Variants in COL22A1 observed in about 807,000 individuals in gnomAD.
COL22A1 encodes the protein collagen alpha-1(XXII) chain.
In COL22A1, 221 loss-of-function variants were observed where a neutral mutation model predicts 248.9. The observed-to-expected ratio is 0.89, with a 90% confidence interval of 0.80 to 0.99. The LOEUF (loss-of-function observed/expected upper bound fraction) is 0.99. Among genes scored for constraint, COL22A1 ranks in the 50% least tolerant of loss-of-function variants. The pLI is 0.00. For synonymous variants in COL22A1, 891 were observed against 793.4 expected (o/e 1.12, Z -2.07); for missense variants, 2,240 against 2,179.0 (o/e 1.03, Z -0.56).
At chr8:138,672,693 T>G (rs1213302663) in intron 41 of COL22A1, among the ~76,000 whole-genome samples, 1 of 152,176 alleles carries the variant, frequency 6.6e-6, no homozygotes, top group Non-Finnish European at 1.5e-5. Context: ...GCAAACAGGA[T>G]TGCTATGACA....
chr8:138,650,022 C>T (rs1273755780), intron 45 of COL22A1, among the ~76,000 whole-genome samples: 1 of 152,168 alleles, frequency 6.6e-6, no homozygotes, highest in Admixed American at 6.5e-5. Context: ...GATATTCCTC[C>T]ATTTCCCCCT....
intron 32 of COL22A1, among the ~76,000 whole-genome samples, chr8:138,698,562 G>C (rs1030766937): frequency 6.6e-6 from 1 of 152,246 alleles, no homozygotes; most frequent in South Asian, 2.1e-4. Context: ...AGAAAGGTAA[G>C]GGAGTTCCTC....
At chr8:138,644,429 G>A (rs1226134187) in intron 47 of COL22A1, among the ~76,000 whole-genome samples, 5 of 152,016 alleles carry the variant, frequency 3.3e-5, no homozygotes, top group Admixed American at 1.3e-4. Context: ...AATGTCAAAT[G>A]AGCACTTACA....
At chr8:138,878,365 G>A (rs1270408810) in intron 2 of COL22A1, 49 bp from the exon 3 acceptor site, 14 of 1,424,354 alleles carry the variant, frequency 9.8e-6, no homozygotes, top group East Asian at 2.5e-5. Flanking sequence ...GCATGGAAAG[G>A]ACACTGTCCT....
chr8:138,724,654 C>A lies in COL22A1; in HGVS notation c.2208G>T (p.Glu736Asp), dbSNP rs142175725. The change falls in exon 25 of 65, where the codon GAG (glutamate) becomes GAT (aspartate). Residue 736 changes from glutamate (E) to aspartate (D), a missense_variant. Physicochemically the swap from Glu to Asp is conservative, Grantham distance 45 (BLOSUM62 2). Coordinates refer to ENST00000303045, the MANE Select transcript of COL22A1 (RefSeq NM_152888.3). The stretch of plus-strand genomic sequence containing the variant: ...GTCCAGGCTTTCCCGGGAAGCCGAT[C>A]TCTCCAGGCAAACCCTGAAAGGGGA... ...GPGGSPGLPG[E>D]IGFPGKPGPP... 4,692 of 1,614,172 alleles carry A rather than the reference C, an allele frequency of 2.9e-3. 190 individuals carry two copies. The Admixed American group carries it at 0.072, about 25-fold the overall frequency.
intron 56 of COL22A1, among the ~76,000 whole-genome samples, chr8:138,611,368 T>C (rs1818846860): frequency 6.6e-6 from 1 of 152,160 alleles, no homozygotes; most frequent in Admixed American, 6.5e-5. Flanking sequence ...CTAGTTCATG[T>C]GATGAATACA....
chr8:138,852,297 G>A (rs1821704226), intron 3 of COL22A1, among the ~76,000 whole-genome samples: 1 of 152,104 alleles, frequency 6.6e-6, no homozygotes, highest in African/African-American at 2.4e-5. Flanking sequence ...GGGAAGGGAT[G>A]ATGGTGACTT....
intron 1 of COL22A1, among the ~76,000 whole-genome samples, chr8:138,895,635 G>T (rs899617186): frequency 1.3e-5 from 2 of 151,962 alleles, no homozygotes; most frequent in Non-Finnish European, 2.9e-5. Context: ...CAAGAAAACA[G>T]ACTGGAAAAA....
rs1445405713 is a variant in COL22A1 at position 138,594,293 on chromosome 8, G to A, written c.4433-94C>T. ...ACTGACAACTCAGAACCAGGGGGCC[G>A]ATAATAGCTGCAGAAACGGACATAG... On this transcript the variant is annotated intron_variant, in intron 62 of 64. Coordinates refer to ENST00000303045, the MANE Select transcript of COL22A1 (RefSeq NM_152888.3). 15 of 1,075,462 alleles carry A rather than the reference G, an allele frequency of 1.4e-5. No individual in the cohort carries two copies. The East Asian group carries it at 2.0e-4, about 14-fold the overall frequency. 66.6% of individuals were successfully genotyped at this position (1,075,462 alleles called of 1,614,324 possible).
At chr8:138,617,316 C>T (rs1017108503) in intron 53 of COL22A1, among the ~76,000 whole-genome samples, 3 of 152,120 alleles carry the variant, frequency 2.0e-5, no homozygotes, top group Non-Finnish European at 4.4e-5. Context: ...CTGCACGGCT[C>T]CTGAGTCAGG....
At chr8:138,812,803 C>G (rs1586807326) in intron 8 of COL22A1, 136 bp downstream of exon 8, 1 of 711,060 alleles carries the variant, frequency 1.4e-6, no homozygotes, top group East Asian at 2.6e-5. Context: ...ATACCCTAAG[C>G]TCCCTCTCAG....
intron 28 of COL22A1, 86 bp from the exon 29 acceptor site, chr8:138,716,375 C>T (rs1829432682): frequency 2.3e-6 from 2 of 869,444 alleles, no homozygotes; most frequent in Non-Finnish European, 3.6e-6. Context: ...AGTTCCTGCT[C>T]TCCAGGAACT....
intron 34 of COL22A1, 103 bp from the exon 35 acceptor site, chr8:138,693,802 T>A: frequency 8.0e-7 from 1 of 1,246,724 alleles, no homozygotes; most frequent in Non-Finnish European, 1.1e-6. Flanking sequence ...TCAGAAGCAT[T>A]ATTCCAAACT....
intron 40 of COL22A1, among the ~76,000 whole-genome samples, chr8:138,678,188 T>G (rs1389851174): frequency 1.3e-5 from 2 of 152,214 alleles, no homozygotes; most frequent in African/African-American, 4.8e-5. Flanking sequence ...GATTACTCAG[T>G]GCCCATTGTC....
rs567460207 is a variant in COL22A1 at position 138,701,824 on chromosome 8, A to G, written c.2559+1482T>C. ...GGGGAGCCTGTGTTCTTATCTTTCA[A>G]TATGCAGTGATTGACTAATAGATTT... is the stretch of plus-strand genomic sequence containing the variant. On this transcript the variant is annotated intron_variant, in intron 31 of 64. Transcript: ENST00000303045. Among the ~76,000 whole-genome samples, 50 of 152,354 alleles carry G rather than the reference A, an allele frequency of 3.3e-4. 1 individual carries two copies. The South Asian group carries it at 0.01, about 32-fold the overall frequency.
chr8:138,721,324 G>C (rs1829853115), intron 26 of COL22A1, among the ~76,000 whole-genome samples: 1 of 152,158 alleles, frequency 6.6e-6, no homozygotes, highest in African/African-American at 2.4e-5. Context: ...GTGCATACTT[G>C]AGTCTGGGTG....
At chr8:138,774,618 C>T (rs1445251738) in intron 16 of COL22A1, among the ~76,000 whole-genome samples, 2 of 152,056 alleles carry the variant, frequency 1.3e-5, no homozygotes, top group Admixed American at 6.6e-5. Context: ...CGGGGTTTCA[C>T]CGTGTTAAGC....
chr8:138,707,547 G>C (rs201352328), intron 30 of COL22A1, among the ~76,000 whole-genome samples: 57 of 152,142 alleles, frequency 3.7e-4, no homozygotes, highest in African/African-American at 1.1e-3. Context: ...ACATGATTAT[G>C]TCAATAGATG....
At chr8:138,599,490 C>T (rs1817828190) in intron 60 of COL22A1, among the ~76,000 whole-genome samples, 1 of 151,258 alleles carries the variant, frequency 6.6e-6, no homozygotes, top group Non-Finnish European at 1.5e-5. Flanking sequence ...AAAAACAAAA[C>T]AAAACAAAAC....
Sources: allele counts gnomAD v4.1 joint callset (sites outside exome capture counted in the v4.1 genomes callset), GRCh38; gene constraint gnomAD v4.1.1; transcripts MANE v1.5; gene names NCBI Gene and HGNC (gene_info 2026-07-23, HGNC 2026-07-21).